The following MAP3K2 variants were observed in gnomAD, a reference collection of about 807,000 sequenced individuals.
The protein encoded by MAP3K2 is mitogen-activated protein kinase kinase kinase 2, also known as MAP/ERK kinase kinase 2.
MAP3K2 carries 24 observed loss-of-function variants against 80.3 expected under a neutral mutation model. That is an observed-to-expected ratio of 0.30 (90% CI 0.22 to 0.42). The LOEUF (loss-of-function observed/expected upper bound fraction) is 0.42, where lower values mean the gene tolerates loss of function less well. Ranked by LOEUF, MAP3K2 falls within the 10% of genes least tolerant of loss-of-function variation. The pLI, the probability that MAP3K2 is intolerant of heterozygous loss-of-function variation, is 1.00. For missense variants in MAP3K2, 608 were observed against 750.1 expected, an observed-to-expected ratio of 0.81 and a Z score of 2.21; for synonymous variants, 244 against 253.7, an observed-to-expected ratio of 0.96 and a Z score of 0.36.
upstream of MAP3K2, chr2:127,388,018 G>A (rs1687408081): frequency 1.0e-6 from 1 of 983,412 alleles, no homozygotes; most frequent in Non-Finnish European, 1.2e-6. Flanking sequence ...TCGCTCGTGC[G>A]CGCGCACCCC....
rs553332371 is a variant in MAP3K2 at position 127,300,972 on chromosome 2, C to G, written c.*6607G>C. The G allele has an allele frequency of 6.6e-6, 1 of 152,146 alleles. No homozygotes were observed. The highest frequency in any genetic ancestry group is 1.5e-5 in the Non-Finnish European group (1 of 68,022). 9.4% of individuals were successfully genotyped at this position (152,146 alleles called of 1,614,324 possible). A position where few individuals can be genotyped will look rare whatever the true frequency, so the allele number is the denominator to read the frequency against. On this transcript the variant is annotated 3_prime_UTR_variant, in exon 17 of 17. Transcript: ENST00000682094. Reference sequence around the variant, plus strand: ...CTAAAATCATCACTAGTTACATATGCTTTTAAAAAATAAATTCTAAAAAAA... The same window carrying G: ...CTAAAATCATCACTAGTTACATATGGTTTTAAAAAATAAATTCTAAAAAAA...
In MAP3K2 at chr2:127,387,496, GCCGCC is replaced by G. The variant is rs1283968650; in HGVS notation, c.-115_-111del. ...TAGAGAGCCGCAGGCCCAAGGAGGG[GCCGCC>G]CCCGCCGAGCCCGCCCCTCCGCCCC... is the stretch of plus-strand genomic sequence containing the variant. On this transcript the variant is annotated 5_prime_UTR_variant, in exon 1 of 17. Transcript: ENST00000682094. The G allele has an allele frequency of 9.1e-6, 9 of 984,876 alleles. No homozygotes were observed. Among genetic ancestry groups the G allele is most frequent in the Non-Finnish European group, 1.1e-5 (9 of 829,820 alleles). The allele number at this position is 984,876 out of a possible 1,614,324, so 61.0% of individuals were successfully genotyped here. A position where few individuals can be genotyped will look rare whatever the true frequency, so the allele number is the denominator to read the frequency against.
At chr2:127,346,410 T>TAAAAAAAAAAAAAAAAAA (rs70985447) in intron 1 of MAP3K2, among the ~76,000 whole-genome samples, 2 of 96,348 alleles carry the variant, frequency 2.1e-5, no homozygotes, top group Admixed American at 1.1e-4. Flanking sequence ...AAACTGGTTT[T>TAAAAAAAAAAAAAAAAAA]AAAAAAAAAA....
intron 1 of MAP3K2, among the ~76,000 whole-genome samples, chr2:127,343,992 A>G (rs919359129): frequency 1.1e-4 from 17 of 152,114 alleles, no homozygotes; most frequent in Non-Finnish European, 2.1e-4. Context: ...TCTGGGCGAC[A>G]CAGCGAGACT....
chr2:127,349,127 A>G (rs891937182), intron 1 of MAP3K2, among the ~76,000 whole-genome samples: 1 of 152,004 alleles, frequency 6.6e-6, no homozygotes, highest in African/African-American at 2.4e-5. Flanking sequence ...TTAACACAGA[A>G]TATAACATAA....
At position 127,343,147 on chromosome 2, in the gene MAP3K2, C is replaced by A; in HGVS notation, c.-18G>T. 6.4e-7 allele frequency: 1 copy of A among 1,551,118 alleles called. No individual in the cohort carries two copies. The highest frequency in any genetic ancestry group is 8.7e-7 in the Non-Finnish European group (1 of 1,145,390). On this transcript the variant is annotated 5_prime_UTR_variant, in exon 2 of 17. Coordinates refer to ENST00000682094, the MANE Select transcript of MAP3K2 (RefSeq NM_001371910.2). The stretch of plus-strand genomic sequence containing the variant: ...TCACCCATTATGGCAAACAGCTCAA[C>A]AATTTGAAAATTAGGAAAATGGTTC...
Position 127,317,641 on chromosome 2 carries a change from T to C in MAP3K2, c.1314A>G (p.Glu438=). 1 of 1,573,220 alleles carries C rather than the reference T, an allele frequency of 6.4e-7. No individual in the cohort carries two copies. Among genetic ancestry groups the C allele is most frequent in the South Asian group, 1.2e-5 (1 of 85,484 alleles). ...TGTACTAACTTACCCCTGGCATATA[T>C]TCCATAAATATGGAAAGTGTTTTTT... The part of the protein sequence containing the change: ...PQEKTLSIFM[E]YMPGGSIKDQ... Residue 438 remains glutamate, a synonymous_variant, in exon 14 of 17, where the codon GAA becomes GAG. Coordinates refer to ENST00000682094, the MANE Select transcript of MAP3K2 (RefSeq NM_001371910.2).
At chr2:127,315,349 G>A (rs781176067) in intron 14 of MAP3K2, among the ~76,000 whole-genome samples, 1 of 152,054 alleles carries the variant, frequency 6.6e-6, no homozygotes, top group Non-Finnish European at 1.5e-5. Flanking sequence ...GCTTCCTGAG[G>A]GACAAATCTC....
chr2:127,341,083 G>A (rs180896932), intron 2 of MAP3K2, among the ~76,000 whole-genome samples: 312 of 151,918 alleles, frequency 2.1e-3, no homozygotes, highest in African/African-American at 6.7e-3. Flanking sequence ...TCCACTTCCC[G>A]GGTTCACACC....
intron 1 of MAP3K2, among the ~76,000 whole-genome samples, chr2:127,375,888 T>C (rs1001519802): frequency 2.6e-5 from 4 of 151,984 alleles, no homozygotes; most frequent in Non-Finnish European, 5.9e-5. Context: ...TGAGTAACAA[T>C]ATAGGTCACT....
intron 15 of MAP3K2, among the ~76,000 whole-genome samples, chr2:127,311,478 G>C (rs1685807301): frequency 6.6e-6 from 1 of 152,154 alleles, no homozygotes; most frequent in African/African-American, 2.4e-5. Flanking sequence ...CGGGTAGCCA[G>C]GCTCCAACAG....
At position 127,303,817 on chromosome 2, in the gene MAP3K2, G is replaced by A. The variant is rs1685643519; in HGVS notation, c.*3762C>T. 1 of 152,096 alleles carries A rather than the reference G, an allele frequency of 6.6e-6. No individual in the cohort carries two copies. Among genetic ancestry groups the A allele is most frequent in the Non-Finnish European group, 1.5e-5 (1 of 67,992 alleles). The allele number at this position is 152,096 out of a possible 1,614,324, so 9.4% of individuals were successfully genotyped here. A position where few individuals can be genotyped will look rare whatever the true frequency, so the allele number is the denominator to read the frequency against. On this transcript the variant is annotated 3_prime_UTR_variant, in exon 17 of 17. Transcript: ENST00000682094. Reference sequence around the variant, plus strand: ...TTCCCAGACTCCAAATAAAATCACTGGCACAGAACTTTGCCATAGGCCAAG... The same window carrying A: ...TTCCCAGACTCCAAATAAAATCACTAGCACAGAACTTTGCCATAGGCCAAG...
At chr2:127,332,558 G>A (rs1368412931) in intron 5 of MAP3K2, among the ~76,000 whole-genome samples, 5 of 152,144 alleles carry the variant, frequency 3.3e-5, no homozygotes, top group South Asian at 2.1e-4. Flanking sequence ...ATTACAAACC[G>A]TAAAATGAGG....
chr2:127,321,106 T>A lies in MAP3K2; in HGVS notation c.1045+940A>T, dbSNP rs978053573. Among the ~76,000 whole-genome samples the A allele has an allele frequency of 1.3e-5, 2 of 152,166 alleles. No individual in the cohort carries two copies. ...CAGCCTGAGTGACAGAGTGAGATCC[T>A]GTTTCAAAAATGAAGGAGAAATAGA... is the stretch of plus-strand genomic sequence containing the variant. On this transcript the variant is annotated intron_variant, in intron 12 of 16. Coordinates refer to ENST00000682094, the MANE Select transcript of MAP3K2 (RefSeq NM_001371910.2). The surrounding 1 kb of genome is among the most constrained non-coding windows in gnomAD (Gnocchi z 4.4).
intron 1 of MAP3K2, among the ~76,000 whole-genome samples, chr2:127,365,709 C>T (rs1574003669): frequency 6.6e-6 from 1 of 152,308 alleles, no homozygotes; most frequent in African/African-American, 2.4e-5. Flanking sequence ...GGTCCCACTC[C>T]AGTAGCTGGG....
At chr2:127,373,699 G>GC (rs543024922) in intron 1 of MAP3K2, among the ~76,000 whole-genome samples, 14 of 152,136 alleles carry the variant, frequency 9.2e-5, no homozygotes, top group Non-Finnish European at 2.1e-4. Flanking sequence ...AGACAGATGG[G>GC]CCCAGAGCTA....
In MAP3K2 at chr2:127,303,430, G is replaced by C. The variant is rs1395891496; in HGVS notation, c.*4149C>G. On this transcript the variant is annotated 3_prime_UTR_variant, in exon 17 of 17. Transcript: ENST00000682094. ...GTTTTGCAGTAAGAGGGGGTCCTGA[G>C]AGAGATGCTATGTGACCTGGTTGGG... is the stretch of plus-strand genomic sequence containing the variant. 6.6e-6 allele frequency: 1 copy of C among 152,056 alleles called. No homozygotes were observed. The highest frequency in any genetic ancestry group is 1.9e-4 in the East Asian group (1 of 5,192). The allele number at this position is 152,056 out of a possible 1,614,324, so 9.4% of individuals were successfully genotyped here.
At chr2:127,361,100 T>C (rs1307100611) in intron 1 of MAP3K2, among the ~76,000 whole-genome samples, 1 of 151,888 alleles carries the variant, frequency 6.6e-6, no homozygotes, top group African/African-American at 2.4e-5. Flanking sequence ...GATCACGAGG[T>C]CAGGAGATCG....
In MAP3K2 at chr2:127,314,869, G is replaced by T; in HGVS notation, c.1341C>A (p.Asp447Glu). The stretch of plus-strand genomic sequence containing the variant: ...TAAGAGCGCCATATGCTTTTAATTG[G>T]TCCTTAATTGAACCCTAGGAGAAAA... ...MEYMPGGSIK[D>E]QLKAYGALTE... is the part of the protein sequence containing the mutation. Residue 447 changes from aspartate (D) to glutamate (E), a missense_variant, in exon 15 of 17, where the codon GAC (aspartate) becomes GAA (glutamate). This residue lies in a region of MAP3K2 where 88 missense variants were observed against 132.4 expected (regional missense o/e 0.66). Coordinates refer to ENST00000682094, the MANE Select transcript of MAP3K2 (RefSeq NM_001371910.2). 6.2e-7 allele frequency: 1 copy of T among 1,606,718 alleles called. No individual in the cohort carries two copies. The highest frequency in any genetic ancestry group is 8.5e-7 in the Non-Finnish European group (1 of 1,175,616).
Sources: gnomAD v4.1 joint callset for allele counts (sites outside exome capture counted in the v4.1 genomes callset) on GRCh38, gnomAD v4.1.1 for gene constraint, gnomAD v4.1.1 regional missense constraint, Gnocchi (gnomAD v3.1) non-coding constraint, MANE v1.5 for transcripts, NCBI Gene and HGNC (gene_info 2026-07-23, HGNC 2026-07-21) for gene names.